Variants in MTMR10 observed in about 807,000 individuals in gnomAD.
The protein encoded by MTMR10 is myotubularin-related protein 10.
A neutral mutation model predicts 88.1 loss-of-function variants in MTMR10; 56 were observed. The observed-to-expected ratio is 0.64, with a 90% CI of 0.51 to 0.79. The LOEUF (loss-of-function observed/expected upper bound fraction) is 0.79, where lower values mean the gene tolerates loss of function less well. Ranked by LOEUF, MTMR10 falls within the 30% of genes least tolerant of loss-of-function variation. The probability of loss-of-function intolerance (pLI) is 0.00; values close to 1 mark genes in which losing one functional copy is unlikely to be tolerated. For synonymous variants in MTMR10, 380 were observed against 340.9 expected, an observed-to-expected ratio of 1.11 and a Z score of -1.26; for missense variants, 883 against 924.7, an observed-to-expected ratio of 0.95 and a Z score of 0.58.
At chr15:30,960,784 A>AC in intron 7 of MTMR10, 97 bp downstream of exon 7, 1 of 1,316,284 alleles carries the variant, frequency 7.6e-7, no homozygotes, top group Non-Finnish European at 9.8e-7. Context: ...TATTCCATTA[A>AC]CCACAACTTG....
rs750752210 is a variant in MTMR10 at position 30,953,567 on chromosome 15, A to G, written c.1131T>C (p.Tyr377=). The change falls in exon 11 of 16, where the codon TAT becomes TAC. Residue 377 remains tyrosine, a synonymous_variant. Coordinates refer to ENST00000435680, the MANE Select transcript of MTMR10 (RefSeq NM_017762.3). The part of the protein sequence containing the change: ...SSLENTRWLE[Y]VRAFLKHSAE... ...GAAAGTAAAGAAGTACAAACCTTAC[A>G]TATTCTAACCATCGAGTATTTTCCA... The G allele has an allele frequency of 7.8e-6, 12 of 1,540,554 alleles. No homozygotes were observed. The South Asian group carries it at 1.2e-4, about 15-fold the overall frequency.
chr15:30,928,550 T>C, the MTMR10 span: 1 of 1,499,064 alleles, frequency 6.7e-7, no homozygotes, highest in South Asian at 1.1e-5. Context: ...GACCTTGTCT[T>C]AGGGATTCAT....
chr15:30,944,708 G>C (rs1163251285), intron 14 of MTMR10, among the ~76,000 whole-genome samples: 2 of 151,908 alleles, frequency 1.3e-5, no homozygotes, highest in Non-Finnish European at 2.9e-5. Flanking sequence ...CCTTCAGTAA[G>C]TATATAGAAA....
chr15:30,980,178 G>T (rs2030471878), intron 2 of MTMR10, among the ~76,000 whole-genome samples: 3 of 152,220 alleles, frequency 2.0e-5, no homozygotes, highest in African/African-American at 7.2e-5. Context: ...AGGTGTTTTT[G>T]ATCTGCAATG....
intron 9 of MTMR10, among the ~76,000 whole-genome samples, chr15:30,955,504 T>TCA (rs2063312884): frequency 6.6e-6 from 1 of 152,104 alleles, no homozygotes; most frequent in African/African-American, 2.4e-5. Flanking sequence ...ACTCCTGACC[T>TCA]TGTGATTCAC....
At chr15:30,968,578 A>ACACACACACACAC (rs1555410069) in intron 5 of MTMR10, among the ~76,000 whole-genome samples, 6 of 91,652 alleles carry the variant, frequency 6.5e-5, no homozygotes, top group African/African-American at 2.9e-4. Context: ...CACACACACA[A>ACACACACACACAC]ACTGTGTTTA....
At chr15:30,938,659 CTT>C (rs957825984), downstream of MTMR10, among the ~76,000 whole-genome samples, 1 of 152,110 alleles carries the variant, frequency 6.6e-6, no homozygotes, top group African/African-American at 2.4e-5. Flanking sequence ...CAGTCTGTCT[CTT>C]GACTTCTTTG....
chr15:30,922,757 T>C, the MTMR10 span, among the ~76,000 whole-genome samples: 5 of 152,382 alleles, frequency 3.3e-5, no homozygotes, highest in East Asian at 1.9e-4. Context: ...GGTAGAAAGA[T>C]TGGCGAGAAA....
chr15:30,949,850 A>G (rs1421000319), intron 12 of MTMR10: 1 of 152,254 alleles, frequency 6.6e-6, no homozygotes, highest in East Asian at 1.9e-4. Context: ...GTTGAATGAA[A>G]GAAGCCAGCG....
chr15:30,923,835 A>G, the MTMR10 span, among the ~76,000 whole-genome samples: 1 of 152,084 alleles, frequency 6.6e-6, no homozygotes, highest in Admixed American at 6.5e-5. Flanking sequence ...TTATGTTTCT[A>G]TTGTGGTAAA....
At chr15:30,944,604 C>T (rs1369095206) in intron 14 of MTMR10, among the ~76,000 whole-genome samples, 1 of 151,218 alleles carries the variant, frequency 6.6e-6, no homozygotes, top group Non-Finnish European at 1.5e-5. Flanking sequence ...CTTGACATTT[C>T]ATCATGTACA....
At chr15:30,927,762 G>C in the MTMR10 span, 2 of 985,892 alleles carry the variant, frequency 2.0e-6, no homozygotes, top group South Asian at 4.7e-5. Context: ...GATGTGCAGA[G>C]AAGTACGGAC....
At chr15:30,927,077 T>C in the MTMR10 span, 1 of 962,516 alleles carries the variant, frequency 1.0e-6, no homozygotes, top group Non-Finnish European at 1.2e-6. Context: ...TTGGGGAGGC[T>C]GAGACAGGAG....
At chr15:30,965,576 A>G (rs994578166) in intron 6 of MTMR10, among the ~76,000 whole-genome samples, 2 of 152,212 alleles carry the variant, frequency 1.3e-5, no homozygotes, top group Non-Finnish European at 2.9e-5. Context: ...GGTTTCTTTA[A>G]AGTTAAAAGA....
intron 10 of MTMR10, 111 bp downstream of exon 10, chr15:30,954,652 G>A (rs1296775810): frequency 9.2e-6 from 10 of 1,089,742 alleles, no homozygotes; most frequent in Non-Finnish European, 1.2e-6. Context: ...TAGTTCCATA[G>A]ACTCCTTAAA....
intron 2 of MTMR10, 74 bp from the exon 3 acceptor site, chr15:30,977,029 G>C (rs2030204331): frequency 6.2e-6 from 9 of 1,444,024 alleles, no homozygotes; most frequent in Non-Finnish European, 8.6e-6. Context: ...CCTAGAAGGA[G>C]TGTTTCATGA....
the MTMR10 span, chr15:30,926,606 AGGGAAGGGTGATGTTATTG>A: frequency 1.0e-6 from 1 of 985,036 alleles, no homozygotes; most frequent in Non-Finnish European, 1.2e-6. Context: ...TATTACTTAC[AGGGAAGGGTGATGTTATTG>A]GGGAAGACGT....
chr15:30,965,261 T>C (rs1398017067), intron 6 of MTMR10, among the ~76,000 whole-genome samples: 1 of 152,202 alleles, frequency 6.6e-6, no homozygotes. Flanking sequence ...AATAGGCATT[T>C]TAAGGAAAAT....
chr15:30,955,294 G>A (rs193201190), intron 9 of MTMR10, among the ~76,000 whole-genome samples: 157 of 152,192 alleles, frequency 1.0e-3, no homozygotes, highest in Non-Finnish European at 1.7e-3. Context: ...TTTTTGAGAC[G>A]GAGTCTCATA....
Sources: allele counts gnomAD v4.1 joint callset (sites outside exome capture counted in the v4.1 genomes callset), GRCh38; gene constraint gnomAD v4.1.1; transcripts MANE v1.5; gene names NCBI Gene and HGNC (gene_info 2026-07-23, HGNC 2026-07-21).